Variants in LRRC1 observed in about 807,000 individuals in gnomAD.
LRRC1 encodes leucine-rich repeat-containing protein 1.
Under a neutral mutation model 69.9 loss-of-function variants are expected in LRRC1, and 28 were observed. The ratio of observed to expected loss-of-function variants is 0.40; its 90% CI spans 0.30 to 0.55. LRRC1 has a LOEUF of 0.55. Among genes scored for constraint, LRRC1 ranks in the 20% least tolerant of loss-of-function variants. The pLI is 0.47. For synonymous variants in LRRC1, 236 were observed against 240.2 expected, an observed-to-expected ratio of 0.98 and a Z score of 0.16; for missense variants, 498 against 609.0, an observed-to-expected ratio of 0.82 and a Z score of 1.92.
At chr6:53,839,261 T>TATTGCTCAATTGCTTTCCAAGAGGCA (rs1367060570) in intron 1 of LRRC1, among the ~76,000 whole-genome samples, 23 of 152,112 alleles carry the variant, frequency 1.5e-4, no homozygotes, top group African/African-American at 4.8e-4. Context: ...TTCTTTTACG[T>TATTGCTCAATTGCTTTCCAAGAGGCA]ATTGCTCAAT....
intron 2 of LRRC1, among the ~76,000 whole-genome samples, chr6:53,854,316 G>C (rs984710931): frequency 3.3e-5 from 5 of 152,312 alleles, no homozygotes; most frequent in Admixed American, 1.3e-4. Flanking sequence ...ACTCCAAGAA[G>C]GGTAGAGAAA....
intron 1 of LRRC1, among the ~76,000 whole-genome samples, chr6:53,798,658 C>G (rs1202930750): frequency 6.6e-6 from 1 of 152,228 alleles, no homozygotes; most frequent in Non-Finnish European, 1.5e-5. Context: ...GGATTACAGG[C>G]GTGAGCCACC....
intron 2 of LRRC1, among the ~76,000 whole-genome samples, chr6:53,872,209 C>T (rs892787637): frequency 1.3e-4 from 19 of 151,972 alleles, no homozygotes; most frequent in African/African-American, 4.1e-4. Context: ...GTTTTTGGCA[C>T]CTTTGTTGAA....
intron 2 of LRRC1, among the ~76,000 whole-genome samples, chr6:53,878,023 C>T (rs950344251): frequency 1.3e-5 from 2 of 152,156 alleles, no homozygotes; most frequent in Non-Finnish European, 2.9e-5. Context: ...GGAGGCCTCA[C>T]AATCACGGTG....
intron 2 of LRRC1, among the ~76,000 whole-genome samples, chr6:53,857,587 C>G (rs538950076): frequency 1.3e-5 from 2 of 152,222 alleles, no homozygotes; most frequent in East Asian, 3.9e-4. Context: ...AAGAAATTCT[C>G]GAGAGCTTTT....
intron 1 of LRRC1, among the ~76,000 whole-genome samples, chr6:53,815,564 T>C (rs1467758386): frequency 1.3e-5 from 2 of 152,186 alleles, no homozygotes; most frequent in Non-Finnish European, 1.5e-5. Context: ...TCCAGTCCTC[T>C]CCTCTTAGCT....
intron 3 of LRRC1, among the ~76,000 whole-genome samples, chr6:53,880,357 C>G (rs541151907): frequency 5.9e-5 from 9 of 152,250 alleles, no homozygotes; most frequent in Admixed American, 2.0e-4. Context: ...CCACCATCTT[C>G]CATTCAACTG....
intron 1 of LRRC1, among the ~76,000 whole-genome samples, chr6:53,799,540 G>A (rs1764405670): frequency 6.6e-6 from 1 of 152,212 alleles, no homozygotes; most frequent in Admixed American, 6.5e-5. Context: ...AGAATCCGGT[G>A]TCCTTGTCTT....
At chr6:53,842,923 A>G (rs1483524053) in intron 2 of LRRC1, among the ~76,000 whole-genome samples, 1 of 152,246 alleles carries the variant, frequency 6.6e-6, no homozygotes, top group Non-Finnish European at 1.5e-5. Context: ...GCATCCTAAT[A>G]GATACCCCAA....
rs189260405 is a variant in LRRC1 at position 53,902,626 on chromosome 6, C to A, written c.788-3C>A. On this transcript the variant is annotated splice_polypyrimidine_tract_variant and splice_region_variant and intron_variant, in intron 8 of 13. Coordinates refer to ENST00000370888, the MANE Select transcript of LRRC1 (RefSeq NM_018214.5). ...GATAATAATAATCATAATGCTTTTACAGGAAAACTAAAGAAACTGTCAATC... is the reference window on the plus strand; with the variant it reads ...GATAATAATAATCATAATGCTTTTAAAGGAAAACTAAAGAAACTGTCAATC... 2,030 of 1,542,878 alleles carry A rather than the reference C, an allele frequency of 1.3e-3. 18 individuals are homozygous for A. Among genetic ancestry groups the A allele is most frequent in the East Asian group, 3.6e-3 (158 of 44,104 alleles).
In LRRC1 at chr6:53,797,679, GCCGGTACCC is replaced by G. The variant is rs1482387325; in HGVS notation, c.159+2266_159+2274del. On this transcript the variant is annotated intron_variant, in intron 1 of 13. Transcript: ENST00000370888. ...GTTTGGAAGCACAGCTTAAGGGGAA[GCCGGTACCC>G]CTTACCAGGGCAGCAAAGATGCACT... Among the ~76,000 whole-genome samples the G allele has an allele frequency of 6.6e-5, 10 of 152,324 alleles. No homozygotes were observed. In the East Asian group the frequency reaches 1.4e-3, roughly 21 times the overall value.
At chr6:53,804,515 G>C (rs937929872) in intron 1 of LRRC1, among the ~76,000 whole-genome samples, 1 of 152,136 alleles carries the variant, frequency 6.6e-6, no homozygotes, top group Non-Finnish European at 1.5e-5. Flanking sequence ...TTTGCTGCTT[G>C]TTCTTTTTAC....
At chr6:53,886,224 G>C (rs1420672457) in intron 4 of LRRC1, among the ~76,000 whole-genome samples, 2 of 152,138 alleles carry the variant, frequency 1.3e-5, no homozygotes. Flanking sequence ...ATGAAGCCAA[G>C]TTTACCATAG....
intron 1 of LRRC1, among the ~76,000 whole-genome samples, chr6:53,827,274 G>A (rs1224196989): frequency 7.1e-6 from 1 of 141,630 alleles, no homozygotes; most frequent in Non-Finnish European, 1.5e-5. Context: ...AATATCCTGA[G>A]TTGGAACTTA....
chr6:53,879,533 C>T (rs941233048), intron 3 of LRRC1, among the ~76,000 whole-genome samples: 3 of 152,154 alleles, frequency 2.0e-5, no homozygotes, highest in African/African-American at 7.2e-5. Flanking sequence ...ATCCACCCAC[C>T]TCAGCCTTCC....
At chr6:53,867,978 T>G (rs1026101453) in intron 2 of LRRC1, among the ~76,000 whole-genome samples, 1 of 151,932 alleles carries the variant, frequency 6.6e-6, no homozygotes, top group African/African-American at 2.4e-5. Flanking sequence ...AAAATTTTTT[T>G]GTTTCACCTT....
At chr6:53,887,973 A>G (rs1767544294) in intron 4 of LRRC1, among the ~76,000 whole-genome samples, 1 of 152,234 alleles carries the variant, frequency 6.6e-6, no homozygotes, top group Admixed American at 6.5e-5. Context: ...GTGCCTAGTC[A>G]ACAATGGCTT....
intron 1 of LRRC1, among the ~76,000 whole-genome samples, chr6:53,807,190 G>T (rs1764656848): frequency 1.3e-5 from 2 of 152,112 alleles, no homozygotes; most frequent in Admixed American, 1.3e-4. Flanking sequence ...TTCTCTGATG[G>T]GATGTTGGTG....
chr6:53,905,251 C>G (rs978127651), intron 10 of LRRC1: 1 of 150,224 alleles, frequency 6.7e-6, no homozygotes, highest in Non-Finnish European at 1.5e-5. Flanking sequence ...AGAGAATTGC[C>G]TGAACCCGGG....
Sources: gnomAD v4.1 joint callset for allele counts (sites outside exome capture counted in the v4.1 genomes callset) on GRCh38, gnomAD v4.1.1 for gene constraint, MANE v1.5 for transcripts, NCBI Gene and HGNC (gene_info 2026-07-23, HGNC 2026-07-21) for gene names.